CTNNA2: variants seen among roughly 807,000 people sequenced by gnomAD.
CTNNA2 encodes the protein catenin alpha-2.
In CTNNA2, 42 loss-of-function variants were observed where a neutral mutation model predicts 101.0. The observed-to-expected ratio is 0.42, with a 90% CI of 0.32 to 0.54. CTNNA2 has a LOEUF of 0.54. Ranked by LOEUF, CTNNA2 falls within the 20% of genes least tolerant of loss-of-function variation. The pLI is 0.14. For synonymous variants in CTNNA2, 450 were observed against 456.4 expected, an observed-to-expected ratio of 0.99 and a Z score of 0.18; for missense variants, 871 against 1,223.1, an observed-to-expected ratio of 0.71 and a Z score of 4.29.
chr2:80,143,082 A>G (rs1298312630), intron 7 of CTNNA2, among the ~76,000 whole-genome samples: 1 of 152,184 alleles, frequency 6.6e-6, no homozygotes, highest in East Asian at 1.9e-4. Flanking sequence ...AAGATTAACT[A>G]CCACTGACAA....
At chr2:79,902,104 C>T (rs757773565) in intron 6 of CTNNA2, among the ~76,000 whole-genome samples, 6 of 152,152 alleles carry the variant, frequency 3.9e-5, no homozygotes, top group Non-Finnish European at 8.8e-5. Context: ...TTTTGATCCC[C>T]TCTTGAAGTA....
At chr2:79,976,978 T>A (rs1690893906) in intron 7 of CTNNA2, among the ~76,000 whole-genome samples, 1 of 152,226 alleles carries the variant, frequency 6.6e-6, no homozygotes, top group African/African-American at 2.4e-5. Context: ...CAATGAATCC[T>A]ATGCTAATCC....
chr2:79,680,867 A>G lies in CTNNA2; in HGVS notation c.102+29209A>G, dbSNP rs564810825. On this transcript the variant is annotated intron_variant, in intron 2 of 18. Transcript: ENST00000402739. ...CAGAGCAAAGCTTTGCTTGTGTATC[A>G]CAAACGTCCTCTGTCCTGAATGACT... Among the ~76,000 whole-genome samples the G allele has an allele frequency of 2.0e-4, 30 of 152,200 alleles. 2 individuals are homozygous for G. In the South Asian group the frequency reaches 4.1e-3, roughly 21 times the overall value.
rs2104990986 is a variant in CTNNA2 at position 79,744,403 on chromosome 2, A to G, written c.119A>G (p.Asn40Ser). 6.2e-7 allele frequency: 1 copy of G among 1,612,602 alleles called. No homozygotes were observed. Among genetic ancestry groups the G allele is most frequent in the Non-Finnish European group, 8.5e-7 (1 of 1,179,574 alleles). ...PLVTQVTTLV[N>S]TSNKGPSGKK... ...ATATTTAAGGTGACTACACTTGTCAACACAAGCAACAAAGGCCCATCTGGT... is the reference window on the plus strand; with the variant it reads ...ATATTTAAGGTGACTACACTTGTCAGCACAAGCAACAAAGGCCCATCTGGT... The change falls in exon 3 of 19, where the codon AAC becomes AGC. Residue 40 changes from asparagine to serine, a missense_variant. Transcript: ENST00000402739.
intron 3 of CTNNA2, among the ~76,000 whole-genome samples, chr2:79,840,334 T>G (rs1425696797): frequency 6.6e-6 from 1 of 152,234 alleles, no homozygotes; most frequent in African/African-American, 2.4e-5. Flanking sequence ...ATTCTCCTAT[T>G]CCTTGTGTGG....
At chr2:80,051,696 TC>T (rs907421020) in intron 7 of CTNNA2, among the ~76,000 whole-genome samples, 34 of 151,912 alleles carry the variant, frequency 2.2e-4, no homozygotes, top group Admixed American at 5.3e-4. Context: ...GAACTCTTTT[TC>T]CCCCCCACAG....
At chr2:79,905,715 T>C (rs538689039) in intron 6 of CTNNA2, among the ~76,000 whole-genome samples, 5 of 152,286 alleles carry the variant, frequency 3.3e-5, no homozygotes, top group African/African-American at 1.2e-4. Flanking sequence ...AGAGCTGGTA[T>C]GGAGAACTGA....
intron 7 of CTNNA2, among the ~76,000 whole-genome samples, chr2:80,143,775 G>A (rs2148914716): frequency 6.6e-6 from 1 of 152,304 alleles, no homozygotes; most frequent in African/African-American, 2.4e-5. Context: ...TCACATAATT[G>A]CAGTGAGAAG....
At chr2:80,407,369 C>T (rs570299923) in intron 8 of CTNNA2, among the ~76,000 whole-genome samples, 4 of 152,296 alleles carry the variant, frequency 2.6e-5, no homozygotes, top group South Asian at 4.1e-4. Context: ...TAGAAACTTA[C>T]GTATAGAGTG....
intron 18 of CTNNA2, among the ~76,000 whole-genome samples, chr2:80,634,392 C>A (rs944838562): frequency 6.6e-6 from 1 of 151,944 alleles, no homozygotes; most frequent in African/African-American, 2.4e-5. Flanking sequence ...GTTTTCTAGG[C>A]AGAAGAAATA....
In CTNNA2 at chr2:79,576,131, T is replaced by A. The variant is rs78403131; in HGVS notation, c.-6+62924T>A. 4.6e-5 allele frequency among the ~76,000 whole-genome samples: 7 copies of A among 152,342 alleles called. No individual in the cohort carries two copies. The East Asian group carries it at 1.3e-3, about 29-fold the overall frequency. The stretch of plus-strand genomic sequence containing the variant: ...TCAGACACTTAAAAGATGAAGTTTG[T>A]CACCATTCAGGCTCCAAAAACATTT... On this transcript the variant is annotated intron_variant, in intron 1 of 18. Coordinates refer to ENST00000402739, the MANE Select transcript of CTNNA2 (RefSeq NM_001282597.3).
At chr2:79,891,722 A>G (rs1574244033) in intron 6 of CTNNA2, among the ~76,000 whole-genome samples, 2 of 152,190 alleles carry the variant, frequency 1.3e-5, no homozygotes, top group South Asian at 4.1e-4. Context: ...GACATAGGCA[A>G]AGGCACACTT....
At chr2:80,482,793 A>C (rs722559) in intron 9 of CTNNA2, among the ~76,000 whole-genome samples, 9 of 152,066 alleles carry the variant, frequency 5.9e-5, no homozygotes, top group Non-Finnish European at 1.2e-4. Context: ...AAAAACATGC[A>C]AAGATCTGGT....
chr2:79,268,558 C>T (rs188177757), intron 2 of CTNNA2, among the ~76,000 whole-genome samples: 427 of 152,208 alleles, frequency 2.8e-3, no homozygotes, highest in African/African-American at 9.9e-3. Context: ...AATTTATAGC[C>T]GGTTAGAGGC....
At chr2:79,824,204 A>G (rs1418878764) in intron 3 of CTNNA2, among the ~76,000 whole-genome samples, 1 of 152,206 alleles carries the variant, frequency 6.6e-6, no homozygotes, top group East Asian at 1.9e-4. Flanking sequence ...TGGTGATAAA[A>G]GTTGTTTTCA....
chr2:80,614,840 G>A (rs1441393896), intron 17 of CTNNA2, among the ~76,000 whole-genome samples: 3 of 151,376 alleles, frequency 2.0e-5, no homozygotes, highest in African/African-American at 7.3e-5. Context: ...ATAATTATGG[G>A]AAGCCAAAGT....
chr2:80,544,975 A>C lies in CTNNA2; in HGVS notation c.1291-7A>C, dbSNP rs1308469128. On this transcript the variant is annotated splice_polypyrimidine_tract_variant and splice_region_variant and intron_variant, in intron 9 of 18. Transcript: ENST00000402739. ...CCTAATATTCACTAAAATCCTCTTC[A>C]ATACAGGTTGCCAATTTGGCCTGTT... 1 of 1,613,476 alleles carries C rather than the reference A, an allele frequency of 6.2e-7. No individual in the cohort carries two copies. The highest frequency in any genetic ancestry group is 8.5e-7 in the Non-Finnish European group (1 of 1,179,600).
upstream of CTNNA2, among the ~76,000 whole-genome samples, chr2:79,512,136 A>T (rs1458651675): frequency 6.6e-6 from 1 of 152,140 alleles, no homozygotes; most frequent in African/African-American, 2.4e-5. Flanking sequence ...ATCGAGTCCC[A>T]GCTGCCGATG....
chr2:79,870,746 A>G (rs2104028930), intron 5 of CTNNA2, among the ~76,000 whole-genome samples: 1 of 152,254 alleles, frequency 6.6e-6, no homozygotes, highest in Non-Finnish European at 1.5e-5. Flanking sequence ...GAGAGTGAGC[A>G]AGAGCAGGGA....
Sources: gnomAD v4.1 joint callset for allele counts (sites outside exome capture counted in the v4.1 genomes callset) on GRCh38, gnomAD v4.1.1 for gene constraint, MANE v1.5 for transcripts, NCBI Gene and HGNC (gene_info 2026-07-23, HGNC 2026-07-21) for gene names.